The following ESRRG variants were observed in gnomAD, a reference collection of about 807,000 sequenced individuals.
The protein encoded by ESRRG is estrogen-related receptor gamma.
Under a neutral mutation model 44.0 loss-of-function variants are expected in ESRRG, and 13 were observed. The ratio of observed to expected loss-of-function variants is 0.30; its 90% confidence interval spans 0.19 to 0.47. The LOEUF is 0.47. Among genes scored for constraint, ESRRG ranks in the 20% least tolerant of loss-of-function variants. The pLI is 1.00. For missense variants in ESRRG, 395 were observed against 580.6 expected (o/e 0.68, Z 3.29); for synonymous variants, 215 against 214.6 (o/e 1.00, Z -0.02).
chr1:217,124,274 T>C (rs1253527023), intron 1 of ESRRG, among the ~76,000 whole-genome samples: 1 of 152,188 alleles, frequency 6.6e-6, no homozygotes, highest in African/African-American at 2.4e-5. Flanking sequence ...AAACATTTAT[T>C]CCACAACTCT....
intron 2 of ESRRG, among the ~76,000 whole-genome samples, chr1:216,751,705 C>T (rs1461381070): frequency 6.6e-6 from 1 of 150,944 alleles, no homozygotes; most frequent in Non-Finnish European, 1.5e-5. Flanking sequence ...AAAAGGCCTC[C>T]CTAGATAACC....
intron 2 of ESRRG, among the ~76,000 whole-genome samples, chr1:216,904,372 A>T (rs965252364): frequency 1.3e-5 from 2 of 152,114 alleles, no homozygotes; most frequent in African/African-American, 4.8e-5. Flanking sequence ...GTTTCATCAA[A>T]CCCTCTGTTA....
intron 1 of ESRRG, among the ~76,000 whole-genome samples, chr1:216,708,186 A>G (rs367592549): frequency 6.6e-6 from 1 of 152,262 alleles, no homozygotes; most frequent in East Asian, 1.9e-4. Flanking sequence ...TAAAATTAGT[A>G]GCAAAGTCTC....
intron 1 of ESRRG, among the ~76,000 whole-genome samples, chr1:216,981,254 T>C (rs994632142): frequency 6.6e-6 from 1 of 152,212 alleles, no homozygotes; most frequent in African/African-American, 2.4e-5. Flanking sequence ...AACTATAATT[T>C]GTCTCTTCAA....
At chr1:216,795,717 A>C (rs978698249) in intron 2 of ESRRG, among the ~76,000 whole-genome samples, 1 of 152,104 alleles carries the variant, frequency 6.6e-6, no homozygotes, top group Non-Finnish European at 1.5e-5. Context: ...TTGAATCTTC[A>C]AATTTTGATA....
At chr1:217,065,022 A>G (rs190186290) in intron 1 of ESRRG, among the ~76,000 whole-genome samples, 1 of 152,310 alleles carries the variant, frequency 6.6e-6, no homozygotes, top group Admixed American at 6.5e-5. Context: ...TCCTGACTCA[A>G]GTACCAGGCT....
intron 1 of ESRRG, among the ~76,000 whole-genome samples, chr1:216,971,157 G>A (rs1173533220): frequency 1.3e-5 from 2 of 151,956 alleles, no homozygotes; most frequent in East Asian, 3.9e-4. Flanking sequence ...AGAAAATACT[G>A]TTTGAGAAAA....
rs2040872715 is a variant in ESRRG, at chr1:216,504,468, C to G, written c.*2471G>C. ...CTAGAATCACACTACAGTCACTTCTCTACTGAGAAACCACAATCTACAATA... is the reference window on the plus strand; with the variant it reads ...CTAGAATCACACTACAGTCACTTCTGTACTGAGAAACCACAATCTACAATA... On this transcript the variant is annotated 3_prime_UTR_variant, in exon 7 of 7. Coordinates refer to ENST00000408911, the MANE Select transcript of ESRRG (RefSeq NM_001438.4). 6.6e-6 allele frequency: 1 copy of G among 152,498 alleles called. No homozygotes were observed. The highest frequency in any genetic ancestry group is 6.6e-5 in the Admixed American group (1 of 15,248). 9.4% of individuals were successfully genotyped at this position (152,498 alleles called of 1,614,324 possible).
chr1:216,961,561 A>ATTTT (rs35113256), intron 1 of ESRRG, among the ~76,000 whole-genome samples: 1 of 131,970 alleles, frequency 7.6e-6, no homozygotes, highest in African/African-American at 2.8e-5. Flanking sequence ...ATTTACTCTT[A>ATTTT]TTTTTTTTTT....
intron 3 of ESRRG, among the ~76,000 whole-genome samples, chr1:216,614,174 T>C (rs1016146891): frequency 3.9e-5 from 6 of 152,244 alleles, no homozygotes; most frequent in African/African-American, 1.4e-4. Flanking sequence ...CCACCACCAC[T>C]CTCGGCCTCA....
intron 5 of ESRRG, among the ~76,000 whole-genome samples, chr1:216,541,208 A>G (rs1179496277): frequency 1.3e-5 from 2 of 152,010 alleles, no homozygotes; most frequent in Non-Finnish European, 2.9e-5. Context: ...AACAACCCAA[A>G]AGACGGTTTC....
chr1:216,948,276 G>A (rs2066384645), intron 1 of ESRRG, among the ~76,000 whole-genome samples: 1 of 151,778 alleles, frequency 6.6e-6, no homozygotes, highest in African/African-American at 2.4e-5. Flanking sequence ...AGGGGACCTG[G>A]CCAGGCATGG....
At chr1:217,101,125 G>A (rs1234862341) in intron 1 of ESRRG, among the ~76,000 whole-genome samples, 1 of 152,186 alleles carries the variant, frequency 6.6e-6, no homozygotes, top group Non-Finnish European at 1.5e-5. Context: ...TTCTTGCCAG[G>A]TTCTTTTGGC....
chr1:216,845,691 C>A (rs999486938), intron 2 of ESRRG, among the ~76,000 whole-genome samples: 7 of 152,106 alleles, frequency 4.6e-5, no homozygotes, highest in Admixed American at 1.3e-4. Flanking sequence ...GAAAACATTC[C>A]TACTCTGGAA....
At chr1:216,658,393 A>G (rs1272411902) in intron 2 of ESRRG, among the ~76,000 whole-genome samples, 1 of 152,104 alleles carries the variant, frequency 6.6e-6, no homozygotes, top group Non-Finnish European at 1.5e-5. Context: ...ACAACCATCA[A>G]CTAAACACTA....
intron 1 of ESRRG, among the ~76,000 whole-genome samples, chr1:217,080,097 G>C (rs1239628748): frequency 6.6e-6 from 1 of 152,016 alleles, no homozygotes; most frequent in African/African-American, 2.4e-5. Context: ...TATATGAATT[G>C]ACCACATAGC....
chr1:216,679,222 G>A (rs759790749), intron 1 of ESRRG, among the ~76,000 whole-genome samples: 8 of 152,072 alleles, frequency 5.3e-5, no homozygotes, highest in Non-Finnish European at 1.0e-4. Flanking sequence ...TATCCCCCTC[G>A]CCAGCCTGAA....
chr1:216,821,687 G>GAAAAAAAAAAAAAAAAAAAAA lies in ESRRG; in HGVS notation c.-14+117894_-14+117895insTTTTTTTTTTTTTTTTTTTTT, dbSNP rs1251334274. ...GCGACAGAACAAGAACCTGCCTCAG[G>GAAAAAAAAAAAAAAAAAAAAA]AAAAATAAATAAATAAATAAATAAA... On this transcript the variant is annotated intron_variant, in intron 2 of 7. Transcript: ENST00000359162. Among the ~76,000 whole-genome samples, 6 of 54,236 alleles carry GAAAAAAAAAAAAAAAAAAAAA rather than the reference G, an allele frequency of 1.1e-4. 1 individual carries two copies. Among genetic ancestry groups the GAAAAAAAAAAAAAAAAAAAAA allele is most frequent in the East Asian group, 3.7e-4 (1 of 2,724 alleles). 35.6% of individuals were successfully genotyped at this position (54,236 alleles called of 152,430 possible).
At chr1:216,777,702 T>C (rs1184689809) in intron 2 of ESRRG, among the ~76,000 whole-genome samples, 1 of 152,140 alleles carries the variant, frequency 6.6e-6, no homozygotes, top group African/African-American at 2.4e-5. Flanking sequence ...TCTAACACAA[T>C]GTAATAGTCC....
Sources: allele counts gnomAD v4.1 joint callset (sites outside exome capture counted in the v4.1 genomes callset), GRCh38; gene constraint gnomAD v4.1.1; transcripts MANE v1.5; gene names NCBI Gene and HGNC (gene_info 2026-07-23, HGNC 2026-07-21).